TRPS1: variants seen among roughly 807,000 people sequenced by gnomAD.
The protein encoded by TRPS1 is zinc finger transcription factor Trps1.
A neutral mutation model predicts 101.2 loss-of-function variants in TRPS1; 6 were observed. That is an observed-to-expected ratio of 0.06 (90% confidence interval 0.03 to 0.12). TRPS1 has a LOEUF of 0.12. TRPS1 is among the 10% of genes least tolerant of loss of function. TRPS1 has a pLI of 1.00. For synonymous variants in TRPS1, 578 were observed against 589.8 expected (o/e 0.98, Z 0.29); for missense variants, 1,363 against 1,567.0 (o/e 0.87, Z 2.20).
chr8:115,479,895 G>A (rs571833839), intron 5 of TRPS1, among the ~76,000 whole-genome samples: 3 of 152,194 alleles, frequency 2.0e-5, no homozygotes, highest in East Asian at 3.9e-4. Flanking sequence ...CCTCAGAAGA[G>A]TGTTATATTT....
At chr8:115,509,246 G>A (rs1287669857) in intron 5 of TRPS1, among the ~76,000 whole-genome samples, 1 of 151,982 alleles carries the variant, frequency 6.6e-6, no homozygotes, top group Non-Finnish European at 1.5e-5. Context: ...TATTGGAGCA[G>A]GACCTATTCC....
chr8:115,665,382 T>A (rs536606957), intron 1 of TRPS1, among the ~76,000 whole-genome samples: 1 of 152,170 alleles, frequency 6.6e-6, no homozygotes, highest in Non-Finnish European at 1.5e-5. Context: ...CATCTAATAA[T>A]AGTAGTGATA....
intron 3 of TRPS1, 118 bp downstream of exon 3, chr8:115,619,014 G>C: frequency 1.9e-6 from 2 of 1,076,950 alleles, no homozygotes; most frequent in East Asian, 2.6e-5. Flanking sequence ...CATCTCTTCT[G>C]CTAGATCTAG....
intron 6 of TRPS1, among the ~76,000 whole-genome samples, chr8:115,417,083 G>C (rs800906): frequency 0.48 from 72,469 of 151,914 alleles, 18,030 homozygotes; most frequent in East Asian, 0.81. Flanking sequence ...TTAGAAAATA[G>C]TTTAGTTTAT....
chr8:115,657,294 C>T (rs1045300276), intron 1 of TRPS1, among the ~76,000 whole-genome samples: 1 of 152,088 alleles, frequency 6.6e-6, no homozygotes, highest in Non-Finnish European at 1.5e-5. Context: ...ATATTCATGT[C>T]GTAGCTCCTA....
At chr8:115,472,086 C>T (rs779220455) in intron 5 of TRPS1, among the ~76,000 whole-genome samples, 4 of 152,188 alleles carry the variant, frequency 2.6e-5, no homozygotes, top group Non-Finnish European at 5.9e-5. Context: ...CACTAGGCAG[C>T]CTCATTGGGG....
intron 4 of TRPS1, among the ~76,000 whole-genome samples, chr8:115,594,473 T>C (rs975541404): frequency 2.0e-5 from 3 of 152,092 alleles, no homozygotes; most frequent in Non-Finnish European, 4.4e-5. Flanking sequence ...CTGTGTCCCA[T>C]ACAATATTCG....
rs536146217 is a variant in TRPS1 at position 115,504,347 on chromosome 8, T to C, written c.2700+82654A>G. Among the ~76,000 whole-genome samples, 43 of 152,300 alleles carry C rather than the reference T, an allele frequency of 2.8e-4. 1 individual carries two copies. The South Asian group carries it at 6.4e-3, about 23-fold the overall frequency. On this transcript the variant is annotated intron_variant, in intron 5 of 6. Transcript: ENST00000395715. The stretch of plus-strand genomic sequence containing the variant: ...TGTCCACAAATGGTTGCAAATTCTA[T>C]ATTTGCAAATCAATTATAGAATGAT...
At chr8:115,596,014 C>T (rs1032204067) in intron 4 of TRPS1, among the ~76,000 whole-genome samples, 1 of 151,782 alleles carries the variant, frequency 6.6e-6, no homozygotes, top group African/African-American at 2.4e-5. Context: ...AAATATGACA[C>T]ATAACATACA....
At chr8:115,545,751 C>T (rs1419105182) in intron 5 of TRPS1, among the ~76,000 whole-genome samples, 3 of 152,096 alleles carry the variant, frequency 2.0e-5, no homozygotes, top group Non-Finnish European at 4.4e-5. Flanking sequence ...CAGTCAAATT[C>T]ATACTATCTT....
rs1812748182 is a variant in TRPS1, at chr8:115,409,905, C to CTTGATCTTT, written c.*4109_*4117dup. The CTTGATCTTT allele has an allele frequency of 7.0e-6, 1 of 142,914 alleles. No individual in the cohort carries two copies. 8.9% of individuals were successfully genotyped at this position (142,914 alleles called of 1,614,324 possible). A position where few individuals can be genotyped will look rare whatever the true frequency, so the allele number is the denominator to read the frequency against. Reference sequence around the variant, plus strand: ...CACCTTACTGGCTCACCAAAGACGACTTGATCTTTTTTTCTTTTTTTTTTT... The same window carrying CTTGATCTTT: ...CACCTTACTGGCTCACCAAAGACGACTTGATCTTTTTGATCTTTTTTTCTTTTTTTTTTT... On this transcript the variant is annotated 3_prime_UTR_variant, in exon 7 of 7. Transcript: ENST00000395715.
At position 115,414,955 on chromosome 8, in the gene TRPS1, C is replaced by T. The variant is rs1387035372; in HGVS notation, c.2953G>A (p.Glu985Lys). Residue 985 changes from glutamate (E) to lysine (K), a missense_variant, in exon 7 of 7, where the codon GAG becomes AAG. Glu to Lys is a moderately conservative substitution (Grantham distance 56). Around this residue, in one of 5 missense-constraint regions of TRPS1, gnomAD observed 307 missense variants for 392.4 expected, o/e 0.78. Coordinates refer to ENST00000395715, the MANE Select transcript of TRPS1 (RefSeq NM_014112.5). The surrounding 1 kb of genome is among the most constrained non-coding windows in gnomAD (Gnocchi z 4.8). ...AACGGGCTTCCATTGACTTGCTCCT[C>T]ATTGCTGCCCCTCTGCTGTTTGTTG... is the stretch of plus-strand genomic sequence containing the variant. ...QLNKQQRGSN[E>K]EQVNGSPLER... is the part of the protein sequence containing the mutation. 6.3e-7 allele frequency: 1 copy of T among 1,589,708 alleles called. No individual in the cohort carries two copies.
chr8:115,505,791 C>T (rs574244146), intron 5 of TRPS1, among the ~76,000 whole-genome samples: 31 of 152,024 alleles, frequency 2.0e-4, no homozygotes, highest in Non-Finnish European at 4.3e-4. Context: ...CTTCTGGAGG[C>T]AATTTGAAAG....
chr8:115,542,111 A>G (rs1027847273), intron 5 of TRPS1, among the ~76,000 whole-genome samples: 1 of 152,232 alleles, frequency 6.6e-6, no homozygotes, highest in Non-Finnish European at 1.5e-5. Context: ...TTGTCACATC[A>G]CAGCACAATA....
At chr8:115,554,317 G>C (rs374298672) in intron 5 of TRPS1, among the ~76,000 whole-genome samples, 24 of 152,194 alleles carry the variant, frequency 1.6e-4, no homozygotes, top group African/African-American at 5.5e-4. Context: ...TCTTAAAAGG[G>C]AGCTTTTCAA....
chr8:115,475,301 T>C (rs1814576715), intron 5 of TRPS1, among the ~76,000 whole-genome samples: 1 of 130,010 alleles, frequency 7.7e-6, no homozygotes, highest in Non-Finnish European at 1.7e-5. Context: ...TATATATATA[T>C]ATATTTGTTA....
intron 5 of TRPS1, among the ~76,000 whole-genome samples, chr8:115,522,102 G>C (rs918886244): frequency 6.6e-6 from 1 of 151,922 alleles, no homozygotes. Flanking sequence ...CGATTTAATG[G>C]ATCGTTTTTA....
At chr8:115,622,043 G>A (rs935833640) in intron 2 of TRPS1, among the ~76,000 whole-genome samples, 3 of 152,096 alleles carry the variant, frequency 2.0e-5, no homozygotes, top group Non-Finnish European at 2.9e-5. Context: ...TACATATATA[G>A]GATGGAAGAG....
intron 1 of TRPS1, among the ~76,000 whole-genome samples, chr8:115,627,975 C>T (rs1416572885): frequency 6.6e-6 from 1 of 151,774 alleles, no homozygotes; most frequent in Non-Finnish European, 1.5e-5. Flanking sequence ...AGTTTTATTA[C>T]TATTAGTAGT....
Sources: gnomAD v4.1 joint callset for allele counts (sites outside exome capture counted in the v4.1 genomes callset) on GRCh38, gnomAD v4.1.1 for gene constraint, gnomAD v4.1.1 regional missense constraint, Gnocchi (gnomAD v3.1) non-coding constraint, MANE v1.5 for transcripts, NCBI Gene and HGNC (gene_info 2026-07-23, HGNC 2026-07-21) for gene names.